ALDH1A2: variants seen among roughly 807,000 people sequenced by gnomAD.
The protein encoded by ALDH1A2 is aldehyde dehydrogenase 1 family member A2.
In ALDH1A2, 27 loss-of-function variants were observed where a neutral mutation model predicts 60.3. The observed-to-expected ratio is 0.45, with a 90% confidence interval of 0.33 to 0.62. The LOEUF (loss-of-function observed/expected upper bound fraction) is 0.62, where lower values mean the gene tolerates loss of function less well. Ranked by LOEUF, ALDH1A2 falls within the 20% of genes least tolerant of loss-of-function variation. ALDH1A2 has a pLI of 0.02. For missense variants in ALDH1A2, 581 were observed against 643.8 expected, an observed-to-expected ratio of 0.90 and a Z score of 1.06; for synonymous variants, 289 against 232.4, an observed-to-expected ratio of 1.24 and a Z score of -2.21.
At chr15:57,987,868 G>A (rs1894759231) in intron 7 of ALDH1A2, among the ~76,000 whole-genome samples, 1 of 139,964 alleles carries the variant, frequency 7.1e-6, no homozygotes, top group Non-Finnish European at 1.5e-5. Flanking sequence ...GAGCGACAGT[G>A]AGGCTGACCC....
intron 7 of ALDH1A2, among the ~76,000 whole-genome samples, chr15:57,972,999 A>G (rs1326351235): frequency 6.6e-5 from 10 of 152,162 alleles, no homozygotes; most frequent in Non-Finnish European, 1.3e-4. Flanking sequence ...TTAGGAAATA[A>G]AAGAACCCCA....
intron 7 of ALDH1A2, among the ~76,000 whole-genome samples, chr15:57,980,929 G>C (rs1894478821): frequency 6.6e-6 from 1 of 152,066 alleles, no homozygotes; most frequent in Admixed American, 6.5e-5. Context: ...TTTTCTTTTT[G>C]GTGGGTAGGC....
intron 4 of ALDH1A2, among the ~76,000 whole-genome samples, chr15:57,999,175 G>C (rs114096112): frequency 6.6e-6 from 1 of 152,016 alleles, no homozygotes; most frequent in Admixed American, 6.6e-5. Flanking sequence ...AAAAGCAATC[G>C]CAACAAAAGC....
At chr15:58,019,263 A>G (rs1342242457) in intron 1 of ALDH1A2, among the ~76,000 whole-genome samples, 2 of 152,228 alleles carry the variant, frequency 1.3e-5, no homozygotes, top group Non-Finnish European at 2.9e-5. Flanking sequence ...ACATCTTCAC[A>G]AGAGTTTCTT....
intron 1 of ALDH1A2, among the ~76,000 whole-genome samples, chr15:58,036,225 G>T (rs977948800): frequency 1.2e-4 from 18 of 151,402 alleles, no homozygotes; most frequent in African/African-American, 4.1e-4. Context: ...CAAAGTCCCA[G>T]GATACAAGAT....
intron 1 of ALDH1A2, chr15:58,065,108 C>G (rs774981088): frequency 4.2e-5 from 12 of 282,382 alleles, no homozygotes; most frequent in African/African-American, 9.3e-5. Context: ...TTGGGACCAA[C>G]AGCCGAGGGG....
intron 1 of ALDH1A2, among the ~76,000 whole-genome samples, chr15:58,045,838 G>C (rs1009185137): frequency 6.6e-6 from 1 of 151,820 alleles, no homozygotes; most frequent in Non-Finnish European, 1.5e-5. Context: ...AATTAAAAAA[G>C]AATATGGTCA....
chr15:57,972,582 C>T (rs1894107325), intron 7 of ALDH1A2, among the ~76,000 whole-genome samples: 1 of 133,608 alleles, frequency 7.5e-6, no homozygotes, highest in East Asian at 2.7e-4. Flanking sequence ...ACTGCAGAAT[C>T]TTTGACTTAG....
intron 5 of ALDH1A2, among the ~76,000 whole-genome samples, chr15:57,994,160 C>G (rs1346090930): frequency 1.3e-5 from 2 of 152,150 alleles, no homozygotes; most frequent in African/African-American, 4.8e-5. Context: ...GGTGACAGAC[C>G]TCATCCCAGA....
chr15:58,015,801 G>A (rs1449863740), intron 1 of ALDH1A2, among the ~76,000 whole-genome samples: 1 of 152,102 alleles, frequency 6.6e-6, no homozygotes, highest in Non-Finnish European at 1.5e-5. Context: ...TAATTTCCAG[G>A]ATTAGTCAGC....
chr15:58,040,320 C>T (rs767052364), intron 1 of ALDH1A2, among the ~76,000 whole-genome samples: 5 of 151,858 alleles, frequency 3.3e-5, no homozygotes, highest in Admixed American at 6.6e-5. Context: ...TAATAGAACA[C>T]GTTTACTCAG....
At chr15:58,027,453 G>A (rs1181842280) in intron 1 of ALDH1A2, among the ~76,000 whole-genome samples, 1 of 152,116 alleles carries the variant, frequency 6.6e-6, no homozygotes, top group Admixed American at 6.6e-5. Context: ...AACCTGAGCA[G>A]AAAAGGTGAA....
chr15:58,053,100 T>C (rs1239714691), intron 1 of ALDH1A2, among the ~76,000 whole-genome samples: 1 of 152,106 alleles, frequency 6.6e-6, no homozygotes, highest in Admixed American at 6.5e-5. Flanking sequence ...CATAAAAATT[T>C]AAGTCCAAGA....
chr15:57,955,293 T>A (rs371929272), intron 12 of ALDH1A2, 24 bp from the exon 13 acceptor site: 265 of 1,613,308 alleles, frequency 1.6e-4, no homozygotes, highest in Non-Finnish European at 2.2e-4. Context: ...ATGGGCCGGG[T>A]CAGATACCAG....
intron 4 of ALDH1A2, among the ~76,000 whole-genome samples, chr15:57,999,773 T>A (rs12909865): frequency 6.6e-6 from 1 of 151,786 alleles, no homozygotes; most frequent in Non-Finnish European, 1.5e-5. Flanking sequence ...TGTATGTTCA[T>A]TGCAGCACTA....
chr15:58,052,947 T>C lies in ALDH1A2; in HGVS notation c.117+12587A>G, dbSNP rs1164050077. 3.7e-4 allele frequency among the ~76,000 whole-genome samples: 56 copies of C among 152,216 alleles called. 2 individuals carry two copies. The highest frequency in any genetic ancestry group is 3.7e-3 in the Admixed American group (56 of 15,280). On this transcript the variant is annotated intron_variant, in intron 1 of 12. Coordinates refer to ENST00000249750, the MANE Select transcript of ALDH1A2 (RefSeq NM_003888.4). ...AAACACTTTACCTTGGAATTCACTT[T>C]CTAGTCCTGGCATTTTAACTATTAA...
At chr15:57,972,600 A>G (rs1894107671) in intron 7 of ALDH1A2, among the ~76,000 whole-genome samples, 1 of 152,020 alleles carries the variant, frequency 6.6e-6, no homozygotes, top group Non-Finnish European at 1.5e-5. Flanking sequence ...TAGCATAGTT[A>G]GAGAATAAAT....
At chr15:58,051,200 G>A (rs1896770808) in intron 1 of ALDH1A2, among the ~76,000 whole-genome samples, 1 of 152,004 alleles carries the variant, frequency 6.6e-6, no homozygotes, top group African/African-American at 2.4e-5. Flanking sequence ...CCAGGAACTG[G>A]ATTATAATAT....
intron 7 of ALDH1A2, among the ~76,000 whole-genome samples, chr15:57,978,931 G>A (rs1478217583): frequency 1.3e-5 from 2 of 152,186 alleles, no homozygotes; most frequent in African/African-American, 4.8e-5. Flanking sequence ...AGATACTTGG[G>A]GGGCTGAGGC....
Sources: gnomAD v4.1 joint callset for allele counts (sites outside exome capture counted in the v4.1 genomes callset) on GRCh38, gnomAD v4.1.1 for gene constraint, MANE v1.5 for transcripts, NCBI Gene and HGNC (gene_info 2026-07-23, HGNC 2026-07-21) for gene names.